Variants in UBASH3B observed in about 807,000 individuals in gnomAD.
UBASH3B encodes ubiquitin-associated and SH3 domain-containing protein B.
UBASH3B carries 37 observed loss-of-function variants against 83.4 expected under a neutral mutation model. The ratio of observed to expected loss-of-function variants is 0.44; its 90% CI spans 0.34 to 0.58. The LOEUF is 0.58. Ranked by LOEUF, UBASH3B falls within the 20% of genes least tolerant of loss-of-function variation. The probability of loss-of-function intolerance (pLI) is 0.01; values close to 1 mark genes in which losing one functional copy is unlikely to be tolerated. For synonymous variants in UBASH3B, 304 were observed against 318.3 expected (o/e 0.96, Z 0.48); for missense variants, 657 against 827.2 (o/e 0.79, Z 2.52).
intron 5 of UBASH3B, among the ~76,000 whole-genome samples, chr11:122,785,293 T>G (rs1480758036): frequency 6.6e-6 from 1 of 152,216 alleles, no homozygotes; most frequent in Non-Finnish European, 1.5e-5. Flanking sequence ...GGACTGGACC[T>G]CTCCCGTGAG....
chr11:122,731,362 T>G (rs1215899604), intron 1 of UBASH3B, among the ~76,000 whole-genome samples: 1 of 152,180 alleles, frequency 6.6e-6, no homozygotes, highest in Non-Finnish European at 1.5e-5. Flanking sequence ...GTTGAGAACT[T>G]TCACCTTTTC....
chr11:122,659,669 A>G (rs1007469019), intron 1 of UBASH3B, among the ~76,000 whole-genome samples: 1 of 152,220 alleles, frequency 6.6e-6, no homozygotes, highest in African/African-American at 2.4e-5. Context: ...TGAAAATCCA[A>G]AGCCCCAAAG....
At chr11:122,798,709 C>CAA (rs11433996) in intron 9 of UBASH3B, among the ~76,000 whole-genome samples, 16,526 of 118,270 alleles carry the variant, frequency 0.14, 1,159 homozygotes, top group Admixed American at 0.24. Flanking sequence ...GACTCCATCT[C>CAA]AAAAAAAAAA....
intron 1 of UBASH3B, among the ~76,000 whole-genome samples, chr11:122,744,908 C>T (rs7342259): frequency 1.1e-3 from 143 of 135,814 alleles, no homozygotes; most frequent in South Asian, 3.3e-3. Flanking sequence ...TGCGCGCGCG[C>T]GCGCACTTGG....
chr11:122,777,774 G>A (rs1860764429), intron 3 of UBASH3B, among the ~76,000 whole-genome samples: 2 of 152,240 alleles, frequency 1.3e-5, no homozygotes, highest in South Asian at 4.1e-4. Flanking sequence ...CTGTCACACA[G>A]GCTGGAGTGC....
chr11:122,656,822 G>A (rs1038357820), intron 1 of UBASH3B, among the ~76,000 whole-genome samples: 4 of 152,262 alleles, frequency 2.6e-5, no homozygotes, highest in Admixed American at 1.3e-4. Flanking sequence ...TCCCTCCAGG[G>A]GACCTGGGTT....
chr11:122,780,656 G>T (rs879304913), intron 4 of UBASH3B, among the ~76,000 whole-genome samples: 12 of 152,306 alleles, frequency 7.9e-5, no homozygotes, highest in Middle Eastern at 3.4e-3. Context: ...CTACCTTCAC[G>T]GAAGGAAGGA....
In UBASH3B at chr11:122,801,796, A is replaced by G. The variant is rs144822909; in HGVS notation, c.1595+464A>G. Among the ~76,000 whole-genome samples the G allele has an allele frequency of 2.8e-3, 431 of 152,310 alleles. 2 individuals carry two copies. Among genetic ancestry groups the G allele is most frequent in the African/African-American group, 0.01 (418 of 41,564 alleles). On this transcript the variant is annotated intron_variant, in intron 11 of 13. Coordinates refer to ENST00000284273, the MANE Select transcript of UBASH3B (RefSeq NM_032873.5). ...GGTAAACCATTTTTATGTATGAGAGAGTTCAAATAACTTGCCTAAAGGTAT... is the reference window on the plus strand; with the variant it reads ...GGTAAACCATTTTTATGTATGAGAGGGTTCAAATAACTTGCCTAAAGGTAT...
At chr11:122,698,994 T>C (rs1591774695) in intron 1 of UBASH3B, among the ~76,000 whole-genome samples, 1 of 152,024 alleles carries the variant, frequency 6.6e-6, no homozygotes, top group South Asian at 2.1e-4. Context: ...GGGCTGCAGG[T>C]GCCCAGCACC....
chr11:122,690,228 A>ATATC (rs1292250563), intron 1 of UBASH3B, among the ~76,000 whole-genome samples: 2 of 127,888 alleles, frequency 1.6e-5, no homozygotes, highest in Admixed American at 8.1e-5. Context: ...ATATATATAT[A>ATATC]TCCAATTTTA....
chr11:122,711,755 C>G (rs938297563), intron 1 of UBASH3B, among the ~76,000 whole-genome samples: 5 of 152,300 alleles, frequency 3.3e-5, no homozygotes, highest in Non-Finnish European at 7.4e-5. Flanking sequence ...GCATTTCCAT[C>G]TCTAAAATGG....
chr11:122,741,504 A>G (rs871844), intron 1 of UBASH3B, among the ~76,000 whole-genome samples: 53,706 of 152,014 alleles, frequency 0.35, 10,135 homozygotes, highest in East Asian at 0.54. Context: ...TTAAGATCTA[A>G]GTCAGTTCAC....
At chr11:122,671,037 A>G (rs1322898667) in intron 1 of UBASH3B, among the ~76,000 whole-genome samples, 1 of 151,384 alleles carries the variant, frequency 6.6e-6, no homozygotes, top group African/African-American at 2.4e-5. Context: ...TGCTGGGATT[A>G]TAAGCGTGAG....
At chr11:122,801,365 A>G (rs1169640565) in intron 11 of UBASH3B, 33 bp downstream of exon 11, 1 of 1,608,792 alleles carries the variant, frequency 6.2e-7, no homozygotes, top group Admixed American at 1.7e-5. Flanking sequence ...TACTGAGGCC[A>G]GTGTGGAAGT....
chr11:122,672,989 G>A (rs1863619349), intron 1 of UBASH3B, among the ~76,000 whole-genome samples: 1 of 152,226 alleles, frequency 6.6e-6, no homozygotes, highest in African/African-American at 2.4e-5. Flanking sequence ...CCAGGGCTGA[G>A]GGGATGTGCA....
In UBASH3B at chr11:122,809,932, T is replaced by A; in HGVS notation, c.*46T>A. 6.3e-7 allele frequency: 1 copy of A among 1,598,848 alleles called. No individual in the cohort carries two copies. The highest frequency in any genetic ancestry group is 8.5e-7 in the Non-Finnish European group (1 of 1,174,236). On this transcript the variant is annotated 3_prime_UTR_variant, in exon 14 of 14. Transcript: ENST00000284273. ...GGAAAGGCCTTTTGGAGTGTGTCTT[T>A]CTGTGTGTTTAAAAACAGTGGGAAA...
intron 1 of UBASH3B, among the ~76,000 whole-genome samples, chr11:122,680,920 G>T (rs1348833368): frequency 6.6e-6 from 1 of 152,168 alleles, no homozygotes; most frequent in Middle Eastern, 3.2e-3. Context: ...TTTAATGTCA[G>T]AGCTGCCGTG....
intron 1 of UBASH3B, among the ~76,000 whole-genome samples, chr11:122,723,295 G>A (rs1489529661): frequency 1.3e-5 from 2 of 152,174 alleles, no homozygotes; most frequent in East Asian, 3.9e-4. Flanking sequence ...TGAGGAAGCC[G>A]TTAACCTCCT....
chr11:122,726,057 A>T (rs2135948364), intron 1 of UBASH3B, among the ~76,000 whole-genome samples: 1 of 152,332 alleles, frequency 6.6e-6, no homozygotes, highest in Middle Eastern at 3.4e-3. Flanking sequence ...AAACATGCTC[A>T]TGGTTCAAAG....
Sources: gnomAD v4.1 joint callset for allele counts (sites outside exome capture counted in the v4.1 genomes callset) on GRCh38, gnomAD v4.1.1 for gene constraint, MANE v1.5 for transcripts, NCBI Gene and HGNC (gene_info 2026-07-23, HGNC 2026-07-21) for gene names.